CEP70: variants seen among roughly 807,000 people sequenced by gnomAD.
The protein encoded by CEP70 is centrosomal protein of 70 kDa.
A neutral mutation model predicts 90.9 loss-of-function variants in CEP70; 70 were observed. The ratio of observed to expected loss-of-function variants is 0.77; its 90% CI spans 0.64 to 0.94. The LOEUF is 0.94. CEP70 is among the 40% of genes least tolerant of loss of function. The pLI is 0.00. For missense variants in CEP70, 648 were observed against 669.0 expected (o/e 0.97, Z 0.35); for synonymous variants, 220 against 228.3 (o/e 0.96, Z 0.33).
chr3:138,537,205 CTT>C lies in CEP70; in HGVS notation c.606_607del (p.Arg203SerfsTer8). 1 of 1,594,110 alleles carries C rather than the reference CTT, an allele frequency of 6.3e-7. No individual in the cohort carries two copies. The highest frequency in any genetic ancestry group is 1.2e-5 in the South Asian group (1 of 86,390). On this transcript the variant is annotated frameshift_variant, in exon 7 of 18. Coordinates refer to ENST00000264982, the MANE Select transcript of CEP70 (RefSeq NM_024491.4). LOFTEE classifies it high-confidence loss of function. Reference sequence around the variant, plus strand: ...TCTATCCAAGACGGTATGAGGAACTCTTTTGCACAGATAGGCAAACACTCTGT... The same window carrying C: ...TCTATCCAAGACGGTATGAGGAACTCTTGCACAGATAGGCAAACACTCTGT...
At chr3:138,560,271 G>A (rs958910161) in intron 6 of CEP70, among the ~76,000 whole-genome samples, 2 of 152,160 alleles carry the variant, frequency 1.3e-5, no homozygotes, top group African/African-American at 4.8e-5. Flanking sequence ...TAGAGAACTT[G>A]CTCTACTAGC....
intron 2 of CEP70, among the ~76,000 whole-genome samples, chr3:138,589,658 A>T (rs2042278147): frequency 6.6e-6 from 1 of 152,108 alleles, no homozygotes; most frequent in Non-Finnish European, 1.5e-5. Flanking sequence ...ACTGTATCTC[A>T]AAAAGAAAAA....
chr3:138,515,897 A>ACAAC lies in CEP70; in HGVS notation c.945-7357_945-7354dup, dbSNP rs537081553. On this transcript the variant is annotated intron_variant, in intron 11 of 17. Transcript: ENST00000264982. ...ATCTCCTATCTCATTAGTGGCACTGACAACCACCTTGTTATTCAAGGTTAA... is the reference window on the plus strand; with the variant it reads ...ATCTCCTATCTCATTAGTGGCACTGACAACCAACCACCTTGTTATTCAAGGTTAA... Among the ~76,000 whole-genome samples, 366 of 152,220 alleles carry ACAAC rather than the reference A, an allele frequency of 2.4e-3. 2 individuals are homozygous for ACAAC. Among genetic ancestry groups the ACAAC allele is most frequent in the Admixed American group, 3.7e-3 (57 of 15,284 alleles).
chr3:138,522,268 G>T (rs1229067384), intron 11 of CEP70, among the ~76,000 whole-genome samples: 6 of 135,430 alleles, frequency 4.4e-5, no homozygotes, highest in Non-Finnish European at 8.0e-5. Flanking sequence ...AAAAACCCAA[G>T]AATGATCAAT....
At chr3:138,594,152 G>T (rs547112261) in intron 1 of CEP70, 46 bp downstream of exon 1, 7 of 152,466 alleles carry the variant, frequency 4.6e-5, no homozygotes, top group African/African-American at 1.7e-4. Flanking sequence ...GGTACTCCGG[G>T]AAGGGGCTCA....
chr3:138,573,683 A>G (rs1158892836), intron 2 of CEP70, among the ~76,000 whole-genome samples: 1 of 152,242 alleles, frequency 6.6e-6, no homozygotes, highest in East Asian at 1.9e-4. Context: ...TTAAACACAG[A>G]CTACATAATG....
intron 7 of CEP70, among the ~76,000 whole-genome samples, chr3:138,533,027 A>G (rs928847419): frequency 6.6e-6 from 1 of 152,222 alleles, no homozygotes; most frequent in Non-Finnish European, 1.5e-5. Context: ...CAAGCCTGTA[A>G]TCCCAGCACT....
At chr3:138,522,946 C>A (rs539695177) in intron 11 of CEP70, among the ~76,000 whole-genome samples, 1 of 152,268 alleles carries the variant, frequency 6.6e-6, no homozygotes, top group Admixed American at 6.5e-5. Context: ...GACCAATATC[C>A]CTGATGAACA....
At chr3:138,533,757 T>C (rs2038028011) in intron 7 of CEP70, among the ~76,000 whole-genome samples, 2 of 152,124 alleles carry the variant, frequency 1.3e-5, no homozygotes, top group Non-Finnish European at 2.9e-5. Context: ...TACACTTTCA[T>C]ATTGTTTGAA....
rs78405918 is a variant in CEP70 at position 138,579,396 on chromosome 3, C to T, written c.-5-6464G>A. On this transcript the variant is annotated intron_variant, in intron 2 of 17. Coordinates refer to ENST00000264982, the MANE Select transcript of CEP70 (RefSeq NM_024491.4). ...ACAACAGCCAGGGCAACTAAAGGAGCATTTGCATCACCCCTCCCCCAACCC... is the reference window on the plus strand; with the variant it reads ...ACAACAGCCAGGGCAACTAAAGGAGTATTTGCATCACCCCTCCCCCAACCC... Among the ~76,000 whole-genome samples, 672 of 152,030 alleles carry T rather than the reference C, an allele frequency of 4.4e-3. 2 individuals are homozygous for T. Among genetic ancestry groups the T allele is most frequent in the African/African-American group, 0.016 (649 of 41,472 alleles).
chr3:138,586,930 T>C (rs1439906598), intron 2 of CEP70, among the ~76,000 whole-genome samples: 1 of 152,008 alleles, frequency 6.6e-6, no homozygotes, highest in Non-Finnish European at 1.5e-5. Flanking sequence ...TATCAAAATA[T>C]CCCATGTAAC....
At chr3:138,499,099 G>A (rs938917713) in intron 16 of CEP70, among the ~76,000 whole-genome samples, 1 of 151,990 alleles carries the variant, frequency 6.6e-6, no homozygotes, top group Admixed American at 6.6e-5. Context: ...TAAAACTGTG[G>A]GAAGGAAGAA....
At chr3:138,500,655 T>C in intron 14 of CEP70, 80 bp downstream of exon 14, 2 of 1,493,224 alleles carry the variant, frequency 1.3e-6, no homozygotes, top group Non-Finnish European at 1.8e-6. Context: ...AGAACTCTAG[T>C]AGAACAAATA....
chr3:138,582,500 C>T (rs748951141), intron 2 of CEP70, among the ~76,000 whole-genome samples: 1 of 137,714 alleles, frequency 7.3e-6, no homozygotes, highest in Non-Finnish European at 1.5e-5. Flanking sequence ...AAATAATGAG[C>T]CAGGCATGGT....
intron 6 of CEP70, among the ~76,000 whole-genome samples, chr3:138,542,309 C>T (rs1041320977): frequency 6.6e-6 from 1 of 152,130 alleles, no homozygotes; most frequent in South Asian, 2.1e-4. Flanking sequence ...AATGCAGGGG[C>T]GCCTGAAAGC....
intron 6 of CEP70, among the ~76,000 whole-genome samples, chr3:138,554,971 A>C (rs1240586801): frequency 6.6e-6 from 1 of 152,114 alleles, no homozygotes; most frequent in African/African-American, 2.4e-5. Context: ...AAATCAACTC[A>C]AGGCCAGACA....
At chr3:138,550,477 C>A (rs1042749281) in intron 6 of CEP70, among the ~76,000 whole-genome samples, 27 of 152,296 alleles carry the variant, frequency 1.8e-4, no homozygotes, top group African/African-American at 6.0e-4. Flanking sequence ...TATTCTCCTG[C>A]CTCAGCCTCC....
intron 11 of CEP70, among the ~76,000 whole-genome samples, chr3:138,517,462 G>A (rs1232668290): frequency 6.6e-6 from 1 of 152,112 alleles, no homozygotes; most frequent in African/African-American, 2.4e-5. Context: ...GAGGTCAGGA[G>A]ATCCACACAG....
chr3:138,577,699 A>G (rs576841624), intron 2 of CEP70, among the ~76,000 whole-genome samples: 2 of 152,120 alleles, frequency 1.3e-5, no homozygotes, highest in Non-Finnish European at 2.9e-5. Flanking sequence ...ACACAAGCAG[A>G]CAAGAGGTAA....
Sources: allele counts gnomAD v4.1 joint callset (sites outside exome capture counted in the v4.1 genomes callset), GRCh38; gene constraint gnomAD v4.1.1; transcripts MANE v1.5; gene names NCBI Gene and HGNC (gene_info 2026-07-23, HGNC 2026-07-21).